Variants in RBFOX1 observed in about 807,000 individuals in gnomAD.
RBFOX1 encodes RNA binding fox-1 homolog 1.
Under a neutral mutation model 57.7 loss-of-function variants are expected in RBFOX1, and 8 were observed. The ratio of observed to expected loss-of-function variants is 0.14; its 90% CI spans 0.08 to 0.25. RBFOX1 has a LOEUF of 0.25. RBFOX1 is among the 10% of genes least tolerant of loss of function. The probability of loss-of-function intolerance (pLI) is 1.00; values close to 1 mark genes in which losing one functional copy is unlikely to be tolerated. For synonymous variants in RBFOX1, 326 were observed against 222.4 expected (o/e 1.47, Z -4.15); for missense variants, 611 against 548.5 (o/e 1.11, Z -1.14).
At chr16:7,407,514 A>T (rs2098366044) in intron 4 of RBFOX1, among the ~76,000 whole-genome samples, 1 of 151,984 alleles carries the variant, frequency 6.6e-6, no homozygotes, top group East Asian at 1.9e-4. Flanking sequence ...GTATCCCCAG[A>T]GGCTGCTATG....
At chr16:7,413,563 C>T (rs1477530947) in intron 4 of RBFOX1, among the ~76,000 whole-genome samples, 1 of 151,864 alleles carries the variant, frequency 6.6e-6, no homozygotes, top group East Asian at 1.9e-4. Context: ...ATCCATTCCG[C>T]CATAGATTCC....
chr16:7,386,274 T>G (rs2097879471), intron 4 of RBFOX1, among the ~76,000 whole-genome samples: 1 of 152,166 alleles, frequency 6.6e-6, no homozygotes, highest in African/African-American at 2.4e-5. Flanking sequence ...GGAGTACATG[T>G]GCAGAATGTG....
chr16:6,382,003 AGGCCTTTTG>A (rs2091863334), intron 2 of RBFOX1, among the ~76,000 whole-genome samples: 1 of 152,222 alleles, frequency 6.6e-6, no homozygotes, highest in East Asian at 1.9e-4. Flanking sequence ...GAAATATTTC[AGGCCTTTTG>A]GGCTGTGCCA....
At chr16:5,753,981 CT>C (rs1275636683) in intron 3 of RBFOX1, among the ~76,000 whole-genome samples, 1 of 152,164 alleles carries the variant, frequency 6.6e-6, no homozygotes, top group Non-Finnish European at 1.5e-5. Flanking sequence ...TCCACGTAGC[CT>C]TTCTTTTTAT....
chr16:7,215,818 G>A (rs930729400), intron 4 of RBFOX1, among the ~76,000 whole-genome samples: 3 of 149,190 alleles, frequency 2.0e-5, no homozygotes, highest in Non-Finnish European at 4.4e-5. Flanking sequence ...TCTGCCTCTC[G>A]GGTTCACGCC....
At chr16:7,533,487 C>G (rs946998141) in intron 5 of RBFOX1, among the ~76,000 whole-genome samples, 6 of 152,252 alleles carry the variant, frequency 3.9e-5, no homozygotes, top group African/African-American at 1.4e-4. Flanking sequence ...GGGGCTATGT[C>G]CCAATAAATC....
intron 4 of RBFOX1, among the ~76,000 whole-genome samples, chr16:7,078,863 C>CTTT (rs57410575): frequency 0.31 from 16,149 of 52,678 alleles, 5,626 homozygotes; most frequent in South Asian, 0.59. Context: ...ATATATATAC[C>CTTT]TTTTTTTTTT....
chr16:6,919,506 G>A (rs966889953), intron 3 of RBFOX1, among the ~76,000 whole-genome samples: 1 of 151,850 alleles, frequency 6.6e-6, no homozygotes, highest in African/African-American at 2.4e-5. Context: ...GTAGACCTGG[G>A]ATTTGAACCA....
chr16:7,044,043 G>C (rs149275441), intron 3 of RBFOX1, among the ~76,000 whole-genome samples: 1 of 152,142 alleles, frequency 6.6e-6, no homozygotes, highest in Non-Finnish European at 1.5e-5. Context: ...TCTCTGTATT[G>C]TAATTATCCA....
intron 4 of RBFOX1, among the ~76,000 whole-genome samples, chr16:7,398,622 A>G (rs1369653488): frequency 6.6e-6 from 1 of 152,214 alleles, no homozygotes; most frequent in Admixed American, 6.5e-5. Context: ...TAGGCAAGAA[A>G]TTATTCTCTC....
At chr16:6,311,203 G>T (rs1338628959) in intron 1 of RBFOX1, among the ~76,000 whole-genome samples, 1 of 142,754 alleles carries the variant, frequency 7.0e-6, no homozygotes, top group Admixed American at 7.6e-5. Flanking sequence ...GGCTGAGGCA[G>T]AAGAATCTCT....
chr16:6,975,509 T>G (rs985469061), intron 3 of RBFOX1, among the ~76,000 whole-genome samples: 30 of 152,182 alleles, frequency 2.0e-4, no homozygotes, highest in African/African-American at 6.5e-4. Context: ...TCAAGTGATC[T>G]GCCTACCTTG....
chr16:6,078,914 T>A (rs2095954439), intron 1 of RBFOX1, among the ~76,000 whole-genome samples: 1 of 152,242 alleles, frequency 6.6e-6, no homozygotes. Flanking sequence ...GGTAAAAATG[T>A]CATCTGTCAC....
chr16:5,591,895 T>A lies in RBFOX1; in HGVS notation c.259-7007T>A, dbSNP rs756554059. On this transcript the variant is annotated intron_variant, in intron 2 of 2. Transcript: ENST00000585867. ...AACAGCAGACACTCGAAAAATGGAA[T>A]CCCTAGTCCGAATATTATCAACTTT... is the stretch of plus-strand genomic sequence containing the variant. Among the ~76,000 whole-genome samples, 101 of 152,220 alleles carry A rather than the reference T, an allele frequency of 6.6e-4. 1 individual carries two copies. Among genetic ancestry groups the A allele is most frequent in the Non-Finnish European group, 1.8e-4 (12 of 68,046 alleles).
intron 2 of RBFOX1, among the ~76,000 whole-genome samples, chr16:5,483,768 C>T (rs532769833): frequency 1.1e-4 from 17 of 152,200 alleles, no homozygotes; most frequent in East Asian, 3.9e-4. Context: ...CCAAGCTTAG[C>T]GGTTTAAAAC....
At chr16:7,159,657 G>A (rs142952295) in intron 4 of RBFOX1, among the ~76,000 whole-genome samples, 3 of 152,226 alleles carry the variant, frequency 2.0e-5, no homozygotes, top group East Asian at 1.9e-4. Flanking sequence ...TCTGGAGAGC[G>A]CACAATTTGC....
intron 4 of RBFOX1, among the ~76,000 whole-genome samples, chr16:7,218,628 C>CTCTGTGTGTGTGTGTG (rs1206468606): frequency 3.1e-5 from 4 of 127,490 alleles, no homozygotes; most frequent in African/African-American, 1.1e-4. Flanking sequence ...TGGGGGTTTG[C>CTCTGTGTGTGTGTGTG]TGTGTGTGTG....
At chr16:5,935,653 C>T (rs1436228803) in intron 4 of RBFOX1, among the ~76,000 whole-genome samples, 3 of 152,130 alleles carry the variant, frequency 2.0e-5, no homozygotes, top group Non-Finnish European at 4.4e-5. Context: ...AATTAGCTGA[C>T]CCTAGGAAGG....
At chr16:6,995,401 T>A (rs1008614006) in intron 3 of RBFOX1, among the ~76,000 whole-genome samples, 1 of 151,844 alleles carries the variant, frequency 6.6e-6, no homozygotes, top group Non-Finnish European at 1.5e-5. Flanking sequence ...TTTATTATTG[T>A]GACGTGTGAT....
Sources: gnomAD v4.1 joint callset for allele counts (sites outside exome capture counted in the v4.1 genomes callset) on GRCh38, gnomAD v4.1.1 for gene constraint, MANE v1.5 for transcripts, NCBI Gene and HGNC (gene_info 2026-07-23, HGNC 2026-07-21) for gene names.